The following STS variants were observed in gnomAD, a reference collection of about 807,000 sequenced individuals.
The protein encoded by STS is steryl-sulfatase.
STS carries 7 observed loss-of-function variants against 26.8 expected under a neutral mutation model. The observed-to-expected ratio is 0.26, with a 90% confidence interval of 0.15 to 0.49. STS has a LOEUF of 0.49. Among genes scored for constraint, STS ranks in the 20% least tolerant of loss-of-function variants. The pLI is 0.98. For synonymous variants in STS, 199 were observed against 189.4 expected (o/e 1.05, Z -0.42); for missense variants, 434 against 465.6 (o/e 0.93, Z 0.63).
intron 7 of STS, among the ~76,000 whole-genome samples, chrX:7,279,496 G>T (rs1924752440): frequency 9.5e-6 from 1 of 105,209 alleles, no homozygotes; most frequent in African/African-American, 3.5e-5. Flanking sequence ...GAGAAGAGGA[G>T]TTCTGTTGAG....
At chrX:7,261,920 A>G (rs1384984523) in intron 6 of STS, among the ~76,000 whole-genome samples, 5 of 111,999 alleles carry the variant, frequency 4.5e-5, no homozygotes, top group Admixed American at 9.4e-5. Flanking sequence ...TAGTTCTTAT[A>G]GTTCACACCG....
chrX:7,293,773 C>A (rs893567438), intron 7 of STS, among the ~76,000 whole-genome samples: 2 of 111,388 alleles, frequency 1.8e-5, no homozygotes, highest in African/African-American at 6.5e-5. Flanking sequence ...AGTAAATCTG[C>A]ATTTGTGACA....
intron 6 of STS, among the ~76,000 whole-genome samples, chrX:7,263,529 C>A (rs1334463155): frequency 8.9e-6 from 1 of 112,396 alleles, no homozygotes; most frequent in Non-Finnish European, 1.9e-5. Context: ...ACCATATAGC[C>A]TGGGTGTGCA....
chrX:7,183,943 A>G (rs1194269578), intron 1 of STS, among the ~76,000 whole-genome samples: 1 of 111,469 alleles, frequency 9.0e-6, no homozygotes, highest in Non-Finnish European at 1.9e-5. Context: ...TGGAGGTTGC[A>G]GTGAGCTGAG....
Position 7,346,658 on chromosome X carries a change from C to T in STS, c.1364-3230C>T, listed in dbSNP as rs188511354. Among the ~76,000 whole-genome samples the T allele has an allele frequency of 2.1e-3, 238 of 111,737 alleles. 2 individuals are homozygous for T. Among genetic ancestry groups the T allele is most frequent in the Middle Eastern group, 9.2e-3 (2 of 217 alleles). On this transcript the variant is annotated intron_variant, in intron 10 of 10. Coordinates refer to ENST00000674429, the MANE Select transcript of STS (RefSeq NM_001320752.2). ...GCAGTTGATGATAATTTTTAAAATA[C>T]AGTAGTGAATAAACATTTTTTAAAA...
intron 1 of STS, among the ~76,000 whole-genome samples, chrX:7,171,660 C>G (rs1350842752): frequency 9.0e-6 from 1 of 111,537 alleles, no homozygotes; most frequent in East Asian, 2.8e-4. Context: ...GCTTGAGTGA[C>G]TAATTGCGAA....
chrX:7,353,972 A>G lies in STS; in HGVS notation c.*3711A>G, dbSNP rs1928904859. Reference sequence around the variant, plus strand: ...CACATCCATCTGAGGCTTCATGGACAAAGATTCTCCACTTGGCCAAACTTT... The same window carrying G: ...CACATCCATCTGAGGCTTCATGGACGAAGATTCTCCACTTGGCCAAACTTT... On this transcript the variant is annotated 3_prime_UTR_variant, in exon 11 of 11. Transcript: ENST00000674429. 1 of 112,021 alleles carries G rather than the reference A, an allele frequency of 8.9e-6. No individual in the cohort carries two copies. Among genetic ancestry groups the G allele is most frequent in the African/African-American group, 3.2e-5 (1 of 30,790 alleles). The allele number at this position is 112,021 out of a possible 1,213,427, so 9.2% of individuals were successfully genotyped here. A position where few individuals can be genotyped will look rare whatever the true frequency, so the allele number is the denominator to read the frequency against.
chrX:7,278,393 A>G (rs1448819595), intron 7 of STS, among the ~76,000 whole-genome samples: 2 of 112,115 alleles, frequency 1.8e-5, no homozygotes, highest in Non-Finnish European at 3.8e-5. Flanking sequence ...GGAAGCGGTT[A>G]ACTAGTGAGG....
chrX:7,252,299 C>A (rs1923175444), intron 2 of STS: 1 of 750,600 alleles, frequency 1.3e-6, no homozygotes, highest in African/African-American at 2.3e-5. Context: ...AGAGGTGTTG[C>A]CTACCACTGC....
chrX:7,292,007 AG>A (rs1925442082), intron 7 of STS, among the ~76,000 whole-genome samples: 1 of 112,438 alleles, frequency 8.9e-6, no homozygotes, highest in Non-Finnish European at 1.9e-5. Context: ...ACCATACTTT[AG>A]GAAGAAAAAA....
intron 8 of STS, among the ~76,000 whole-genome samples, chrX:7,318,073 G>A (rs1331545425): frequency 8.9e-6 from 1 of 111,831 alleles, no homozygotes; most frequent in Non-Finnish European, 1.9e-5. Context: ...CTGTGAAATG[G>A]GTTACTTGCC....
At chrX:7,181,957 C>T (rs757471607) in intron 1 of STS, among the ~76,000 whole-genome samples, 2 of 110,494 alleles carry the variant, frequency 1.8e-5, no homozygotes, top group Non-Finnish European at 3.8e-5. Flanking sequence ...ACCTGTAGTC[C>T]CAGCTACTTG....
chrX:7,174,748 C>G (rs1176278429), intron 1 of STS, among the ~76,000 whole-genome samples: 2 of 111,615 alleles, frequency 1.8e-5, no homozygotes, highest in African/African-American at 6.5e-5. Context: ...AAATTTTGCT[C>G]TAAAAACTCT....
In STS at chrX:7,253,256, A is replaced by G; in HGVS notation, c.57A>G (p.Ala19=). Residue 19 remains alanine (A), a synonymous_variant, in exon 3 of 11, where the codon GCA becomes GCG. Transcript: ENST00000674429. ...FFLWEAESHA[A]SRPNIILVMA... ...TGTGGGAAGCCGAGAGCCACGCAGCATCAAGGCCGAACATCATCCTGGTGA... is the reference window on the plus strand; with the variant it reads ...TGTGGGAAGCCGAGAGCCACGCAGCGTCAAGGCCGAACATCATCCTGGTGA... The G allele has an allele frequency of 8.3e-7, 1 of 1,211,508 alleles. No individual in the cohort carries two copies. The highest frequency in any genetic ancestry group is 1.1e-6 in the Non-Finnish European group (1 of 895,319).
At chrX:7,332,138 C>G (rs988625973) in intron 9 of STS, among the ~76,000 whole-genome samples, 1 of 108,472 alleles carries the variant, frequency 9.2e-6, no homozygotes, top group African/African-American at 3.4e-5. Context: ...GCCAGAAGTT[C>G]AAGGCCAGTC....
intron 8 of STS, among the ~76,000 whole-genome samples, chrX:7,306,550 C>G (rs1434179901): frequency 8.9e-6 from 1 of 111,858 alleles, no homozygotes; most frequent in Non-Finnish European, 1.9e-5. Flanking sequence ...GGTGTCTTCC[C>G]TGAAGGAAGT....
intron 1 of STS, among the ~76,000 whole-genome samples, chrX:7,165,982 C>T (rs1333039131): frequency 1.3e-4 from 14 of 108,206 alleles, no homozygotes; most frequent in Admixed American, 8.9e-4. Flanking sequence ...AAAGCATTTT[C>T]TCTTTCTCTC....
chrX:7,347,248 G>A (rs1353750023), intron 10 of STS, among the ~76,000 whole-genome samples: 1 of 111,230 alleles, frequency 9.0e-6, no homozygotes, highest in Non-Finnish European at 1.9e-5. Context: ...TTGTTACCTT[G>A]TGAGCCACTG....
intron 2 of STS, among the ~76,000 whole-genome samples, chrX:7,193,722 C>T (rs976525686): frequency 2.7e-5 from 3 of 110,448 alleles, no homozygotes; most frequent in African/African-American, 9.9e-5. Context: ...TAAAGCCATC[C>T]TCATAGAGGT....
Sources: allele counts gnomAD v4.1 joint callset (sites outside exome capture counted in the v4.1 genomes callset), GRCh38; gene constraint gnomAD v4.1.1; transcripts MANE v1.5; gene names NCBI Gene and HGNC (gene_info 2026-07-23, HGNC 2026-07-21).